The following AGBL1 variants were observed in gnomAD, a reference collection of about 807,000 sequenced individuals.
AGBL1 encodes AGBL carboxypeptidase 1.
A neutral mutation model predicts 118.9 loss-of-function variants in AGBL1; 130 were observed. That is an observed-to-expected ratio of 1.09 (90% CI 0.95 to 1.26). The LOEUF (loss-of-function observed/expected upper bound fraction) is 1.26. Ranked by LOEUF, AGBL1 falls within the 50% of genes most tolerant of loss-of-function variation. The pLI is 0.00. For synonymous variants in AGBL1, 555 were observed against 478.9 expected (o/e 1.16, Z -2.08); for missense variants, 1,584 against 1,298.1 (o/e 1.22, Z -3.38).
intron 22 of AGBL1, among the ~76,000 whole-genome samples, chr15:86,744,240 G>A (rs1051782209): frequency 5.3e-5 from 8 of 152,078 alleles, no homozygotes; most frequent in African/African-American, 1.9e-4. Flanking sequence ...AAGTGGAAAT[G>A]GAAACTAAGG....
chr15:86,701,856 T>G (rs2086365661), intron 22 of AGBL1, among the ~76,000 whole-genome samples: 1 of 145,430 alleles, frequency 6.9e-6, no homozygotes, highest in Non-Finnish European at 1.5e-5. Context: ...CCTTTATCCA[T>G]TCCTTCCCCT....
intron 24 of AGBL1, among the ~76,000 whole-genome samples, chr15:87,001,228 C>T (rs561333970): frequency 2.6e-5 from 4 of 151,054 alleles, no homozygotes; most frequent in East Asian, 3.9e-4. Context: ...ATTTCCTTCT[C>T]CTGCCTCATT....
At chr15:86,499,185 G>A (rs1335491857) in intron 18 of AGBL1, among the ~76,000 whole-genome samples, 3 of 151,940 alleles carry the variant, frequency 2.0e-5, no homozygotes, top group African/African-American at 7.2e-5. Context: ...AAATATTATA[G>A]TTAGACACAA....
At chr15:86,920,646 C>G (rs1269822160), downstream of AGBL1, among the ~76,000 whole-genome samples, 1 of 152,186 alleles carries the variant, frequency 6.6e-6, no homozygotes. Context: ...ATTTTATATA[C>G]ATTAATAACA....
intron 18 of AGBL1, among the ~76,000 whole-genome samples, chr15:86,430,023 G>A (rs961676894): frequency 6.6e-6 from 1 of 152,152 alleles, no homozygotes; most frequent in African/African-American, 2.4e-5. Flanking sequence ...CTACATTGAT[G>A]TAGCCAATCT....
At chr15:86,124,140 G>A (rs1898260311) in intron 1 of AGBL1, among the ~76,000 whole-genome samples, 2 of 151,982 alleles carry the variant, frequency 1.3e-5, no homozygotes, top group South Asian at 4.2e-4. Flanking sequence ...GACCAGCCTG[G>A]CCAACATGGT....
At chr15:86,666,151 T>A (rs1233742761) in intron 21 of AGBL1, among the ~76,000 whole-genome samples, 4 of 152,128 alleles carry the variant, frequency 2.6e-5, no homozygotes, top group Non-Finnish European at 5.9e-5. Context: ...AGGAGGAGAA[T>A]CGATATTGCA....
At chr15:86,865,876 C>T (rs2079621148) in intron 22 of AGBL1, among the ~76,000 whole-genome samples, 1 of 152,176 alleles carries the variant, frequency 6.6e-6, no homozygotes, top group Admixed American at 6.5e-5. Flanking sequence ...TGCTTCAATC[C>T]TTCACAGGTT....
intron 21 of AGBL1, among the ~76,000 whole-genome samples, chr15:86,563,570 C>T (rs571654981): frequency 2.5e-5 from 2 of 78,920 alleles, no homozygotes; most frequent in Non-Finnish European, 6.1e-5. Flanking sequence ...CAACTATGGA[C>T]TAAGTACGAT....
intron 18 of AGBL1, among the ~76,000 whole-genome samples, chr15:86,519,696 C>T (rs1464667344): frequency 1.3e-5 from 2 of 152,186 alleles, no homozygotes; most frequent in Admixed American, 6.5e-5. Flanking sequence ...GTCCTGAAGA[C>T]AAATACAATC....
At chr15:86,449,911 T>C (rs890967352) in intron 18 of AGBL1, among the ~76,000 whole-genome samples, 7 of 151,482 alleles carry the variant, frequency 4.6e-5, no homozygotes, top group Admixed American at 1.3e-4. Context: ...AGAAATAAGC[T>C]GCAAATAAAA....
At chr15:86,414,529 T>C (rs1470318221) in intron 18 of AGBL1, among the ~76,000 whole-genome samples, 1 of 152,166 alleles carries the variant, frequency 6.6e-6, no homozygotes, top group East Asian at 1.9e-4. Context: ...AGCAGATTGG[T>C]GCTAATAGAT....
intron 22 of AGBL1, among the ~76,000 whole-genome samples, chr15:86,772,437 T>C (rs1199309434): frequency 6.6e-6 from 1 of 152,072 alleles, no homozygotes; most frequent in Admixed American, 6.6e-5. Context: ...CTTTGTCACA[T>C]TCATATAGAA....
At chr15:86,225,699 T>G (rs1025541860) in intron 6 of AGBL1, among the ~76,000 whole-genome samples, 1 of 152,172 alleles carries the variant, frequency 6.6e-6, no homozygotes, top group Non-Finnish European at 1.5e-5. Flanking sequence ...CCTTACCTCT[T>G]CATCTATTTT....
intron 22 of AGBL1, among the ~76,000 whole-genome samples, chr15:86,854,771 CAGT>C (rs1202518698): frequency 6.6e-6 from 1 of 152,298 alleles, no homozygotes; most frequent in East Asian, 1.9e-4. Flanking sequence ...CTCCATCTTG[CAGT>C]ATCTGGGTCT....
At chr15:86,650,185 G>T (rs2085346937) in intron 21 of AGBL1, among the ~76,000 whole-genome samples, 1 of 152,148 alleles carries the variant, frequency 6.6e-6, no homozygotes, top group African/African-American at 2.4e-5. Flanking sequence ...TTCTTCATTA[G>T]TAACAGAATC....
In AGBL1 at chr15:86,882,761, A is replaced by G. The variant is rs138458348; in HGVS notation, c.3159-24326A>G. ...ATACTCTGTAACTAAACGACAACTCACTGGAGGCATTTTCTCTAAATCCTC... is the reference window on the plus strand; with the variant it reads ...ATACTCTGTAACTAAACGACAACTCGCTGGAGGCATTTTCTCTAAATCCTC... On this transcript the variant is annotated intron_variant, in intron 22 of 22. Transcript: ENST00000614907. Among the ~76,000 whole-genome samples the G allele has an allele frequency of 6.6e-5, 10 of 152,300 alleles. No homozygotes were observed. In the East Asian group the frequency reaches 1.9e-3, roughly 29 times the overall value.
At chr15:86,159,570 T>A (rs1050389818) in intron 5 of AGBL1, among the ~76,000 whole-genome samples, 1 of 152,034 alleles carries the variant, frequency 6.6e-6, no homozygotes, top group Non-Finnish European at 1.5e-5. Flanking sequence ...AAAATGAAAC[T>A]CAGCCTGTTC....
chr15:86,354,998 A>C (rs1233495606), intron 17 of AGBL1, among the ~76,000 whole-genome samples: 1 of 152,246 alleles, frequency 6.6e-6, no homozygotes, highest in Non-Finnish European at 1.5e-5. Context: ...CCTAGTTGAC[A>C]GCCAGCAAGA....
Sources: allele counts gnomAD v4.1 joint callset (sites outside exome capture counted in the v4.1 genomes callset), GRCh38; gene constraint gnomAD v4.1.1; transcripts MANE v1.5; gene names NCBI Gene and HGNC (gene_info 2026-07-23, HGNC 2026-07-21).